Variants in RABGAP1L observed in about 807,000 individuals in gnomAD.
RABGAP1L encodes RAB GTPase activating protein 1 like, also known as rab GTPase-activating protein 1-like.
RABGAP1L carries 63 observed loss-of-function variants against 137.7 expected under a neutral mutation model. The observed-to-expected ratio is 0.46, with a 90% CI of 0.37 to 0.56. The LOEUF (loss-of-function observed/expected upper bound fraction) is 0.56. RABGAP1L is among the 20% of genes least tolerant of loss of function. The probability of loss-of-function intolerance (pLI) is 0.00; values close to 1 mark genes in which losing one functional copy is unlikely to be tolerated. For synonymous variants in RABGAP1L, 431 were observed against 433.7 expected (o/e 0.99, Z 0.08); for missense variants, 1,095 against 1,244.0 (o/e 0.88, Z 1.80).
At chr1:174,512,701 T>C (rs188913762) in intron 13 of RABGAP1L, among the ~76,000 whole-genome samples, 1 of 152,306 alleles carries the variant, frequency 6.6e-6, no homozygotes, top group Non-Finnish European at 1.5e-5. Context: ...TGTAGCCAGG[T>C]AAATCAGAAT....
At chr1:174,873,308 A>T (rs1652500285) in intron 19 of RABGAP1L, among the ~76,000 whole-genome samples, 1 of 151,830 alleles carries the variant, frequency 6.6e-6, no homozygotes, top group Non-Finnish European at 1.5e-5. Flanking sequence ...TGACCTCGTG[A>T]TCCACCCGCC....
chr1:174,877,416 C>A, intron 19 of RABGAP1L: 1 of 1,589,976 alleles, frequency 6.3e-7, no homozygotes, highest in Non-Finnish European at 8.6e-7. Flanking sequence ...TGGCACTGAG[C>A]TGCAGTAGGA....
At chr1:174,246,145 G>T (rs1481158485) in intron 5 of RABGAP1L, 3 of 152,158 alleles carry the variant, frequency 2.0e-5, no homozygotes, top group Middle Eastern at 3.4e-3. Flanking sequence ...AAAATAAAAG[G>T]TGCTTAAAAT....
intron 13 of RABGAP1L, among the ~76,000 whole-genome samples, chr1:174,479,722 T>A (rs1271326764): frequency 6.6e-6 from 1 of 152,212 alleles, no homozygotes; most frequent in Non-Finnish European, 1.5e-5. Context: ...TGTATTAATT[T>A]ATTGTAATAT....
intron 11 of RABGAP1L, among the ~76,000 whole-genome samples, chr1:174,348,111 A>T (rs1682622923): frequency 6.7e-6 from 1 of 149,808 alleles, no homozygotes; most frequent in African/African-American, 2.5e-5. Context: ...TGTGAAGGTT[A>T]TTTTTTTTGG....
chr1:174,967,637 C>T (rs760530213), intron 20 of RABGAP1L, among the ~76,000 whole-genome samples: 10 of 152,016 alleles, frequency 6.6e-5, no homozygotes, highest in Non-Finnish European at 1.2e-4. Context: ...CTGTGCCCAG[C>T]TGTACCCAGC....
At chr1:174,422,831 C>T (rs985895546) in intron 13 of RABGAP1L, among the ~76,000 whole-genome samples, 6 of 150,874 alleles carry the variant, frequency 4.0e-5, no homozygotes, top group African/African-American at 1.5e-4. Context: ...TCTGTAATCC[C>T]AGATACTTGG....
chr1:174,602,870 G>A (rs1670518541), intron 13 of RABGAP1L, among the ~76,000 whole-genome samples: 1 of 151,978 alleles, frequency 6.6e-6, no homozygotes, highest in South Asian at 2.1e-4. Context: ...GAAGTTTGTT[G>A]TGCTTCTTCA....
intron 13 of RABGAP1L, among the ~76,000 whole-genome samples, chr1:174,507,148 C>T (rs1661897297): frequency 6.6e-6 from 1 of 152,136 alleles, no homozygotes; most frequent in South Asian, 2.1e-4. Context: ...AATAAATTGA[C>T]AATGTTCACC....
chr1:174,339,641 C>T (rs1277957300), intron 11 of RABGAP1L, among the ~76,000 whole-genome samples: 1 of 151,896 alleles, frequency 6.6e-6, no homozygotes, highest in Non-Finnish European at 1.5e-5. Context: ...GAGTCTCACT[C>T]TATTGCCCAG....
intron 13 of RABGAP1L, among the ~76,000 whole-genome samples, chr1:174,457,477 CTTTTTTTT>C (rs746968960): frequency 9.3e-6 from 1 of 107,496 alleles, no homozygotes; most frequent in Non-Finnish European, 1.8e-5. Context: ...CAGGCATCAT[CTTTTTTTT>C]TTTTTTTTTT....
chr1:174,667,483 C>T (rs1195976756), intron 14 of RABGAP1L, among the ~76,000 whole-genome samples: 1 of 152,186 alleles, frequency 6.6e-6, no homozygotes, highest in Non-Finnish European at 1.5e-5. Flanking sequence ...CTATTTGCAT[C>T]TCATAGGACT....
In RABGAP1L at chr1:174,238,536, G is replaced by A. The variant is rs548514011; in HGVS notation, c.543-2947G>A. 2.6e-5 allele frequency among the ~76,000 whole-genome samples: 4 copies of A among 152,160 alleles called. No individual in the cohort carries two copies. In the East Asian group the frequency reaches 7.7e-4, roughly 29 times the overall value. ...GTTGGAATACCCTGCAGTGTGAGGT[G>A]TCAGTGTGCCTCTGCTGGGGGGTGC... On this transcript the variant is annotated intron_variant, in intron 4 of 25. Coordinates refer to ENST00000681986, the MANE Select transcript of RABGAP1L (RefSeq NM_001366446.1).
chr1:174,188,331 G>A (rs538331819), intron 1 of RABGAP1L, among the ~76,000 whole-genome samples: 1 of 152,290 alleles, frequency 6.6e-6, no homozygotes, highest in South Asian at 2.1e-4. Context: ...TCTTTGAAGT[G>A]TATAAATTTA....
chr1:174,173,871 G>T (rs369015060), intron 1 of RABGAP1L, among the ~76,000 whole-genome samples: 13 of 152,072 alleles, frequency 8.5e-5, no homozygotes, highest in African/African-American at 3.1e-4. Flanking sequence ...TTTATAGAAA[G>T]CAAGAGGGAT....
At chr1:174,316,909 C>T (rs1679428455) in intron 11 of RABGAP1L, among the ~76,000 whole-genome samples, 1 of 152,126 alleles carries the variant, frequency 6.6e-6, no homozygotes, top group South Asian at 2.1e-4. Flanking sequence ...AGAGGAACCT[C>T]ACCCCATAAC....
In RABGAP1L at chr1:174,915,923, C is replaced by G. The variant is rs561223500; in HGVS notation, c.2341-41534C>G. On this transcript the variant is annotated intron_variant, in intron 19 of 25. Transcript: ENST00000681986. The stretch of plus-strand genomic sequence containing the variant: ...TTTTGAAAAGCAAAGGTTTTAATAA[C>G]TTAGCCATTTTTTTCTTTTATGGAT... 2.0e-5 allele frequency among the ~76,000 whole-genome samples: 3 copies of G among 152,136 alleles called. No homozygotes were observed. In the East Asian group the frequency reaches 5.8e-4, roughly 29 times the overall value.
At chr1:174,902,292 C>T (rs1658273804) in intron 19 of RABGAP1L, among the ~76,000 whole-genome samples, 1 of 152,194 alleles carries the variant, frequency 6.6e-6, no homozygotes, top group East Asian at 1.9e-4. Flanking sequence ...GAGCAGCTGA[C>T]TTGACTGAAC....
chr1:174,526,515 G>A (rs1356712362), intron 13 of RABGAP1L, among the ~76,000 whole-genome samples: 3 of 152,022 alleles, frequency 2.0e-5, no homozygotes, highest in African/African-American at 7.2e-5. Context: ...TCAAGTTCTC[G>A]TTACTGGTCT....
Sources: allele counts gnomAD v4.1 joint callset (sites outside exome capture counted in the v4.1 genomes callset), GRCh38; gene constraint gnomAD v4.1.1; transcripts MANE v1.5; gene names NCBI Gene and HGNC (gene_info 2026-07-23, HGNC 2026-07-21).